The following FMO1 variants were observed in gnomAD, a reference collection of about 807,000 sequenced individuals.
FMO1 encodes the protein flavin containing dimethylaniline monoxygenase 1.
A neutral mutation model predicts 45.4 loss-of-function variants in FMO1; 36 were observed. The observed-to-expected ratio is 0.79, with a 90% CI of 0.61 to 1.05. The LOEUF (loss-of-function observed/expected upper bound fraction) is 1.05, where lower values mean the gene tolerates loss of function less well. Ranked by LOEUF, FMO1 falls within the 50% of genes least tolerant of loss-of-function variation. The pLI is 0.00. For synonymous variants in FMO1, 228 were observed against 227.2 expected (o/e 1.00, Z -0.03); for missense variants, 615 against 640.3 (o/e 0.96, Z 0.43).
At chr1:171,266,234 C>T (rs1660613986) in intron 2 of FMO1, among the ~76,000 whole-genome samples, 1 of 152,116 alleles carries the variant, frequency 6.6e-6, no homozygotes. Flanking sequence ...ATATCCTGTT[C>T]AACAAAATGG....
At chr1:171,270,921 T>G in intron 3 of FMO1, 1 of 773,386 alleles carries the variant, frequency 1.3e-6, no homozygotes, top group East Asian at 2.7e-5. Flanking sequence ...AAATGCTTTA[T>G]AGACGAGAAA....
chr1:171,276,252 C>G (rs2101832849), intron 4 of FMO1, among the ~76,000 whole-genome samples: 1 of 152,292 alleles, frequency 6.6e-6, no homozygotes, highest in Admixed American at 6.5e-5. Context: ...AATTTAGGAG[C>G]ATGCTATGGT....
chr1:171,250,000 G>T (rs909605498), intron 1 of FMO1, among the ~76,000 whole-genome samples: 4 of 152,152 alleles, frequency 2.6e-5, no homozygotes, highest in Non-Finnish European at 4.4e-5. Flanking sequence ...GGAGCCCTTG[G>T]TGTGCAATTT....
chr1:171,269,710 A>G (rs1489304408), intron 3 of FMO1, among the ~76,000 whole-genome samples: 3 of 152,108 alleles, frequency 2.0e-5, no homozygotes, highest in Non-Finnish European at 4.4e-5. Context: ...GATAATCATG[A>G]CTAATGAGTG....
At chr1:171,256,537 T>C (rs918912898) in intron 1 of FMO1, among the ~76,000 whole-genome samples, 2 of 152,128 alleles carry the variant, frequency 1.3e-5, no homozygotes, top group African/African-American at 4.8e-5. Context: ...GCCTAAAACA[T>C]GAATTCCCCT....
intron 1 of FMO1, among the ~76,000 whole-genome samples, chr1:171,255,070 C>T (rs895551482): frequency 1.3e-5 from 2 of 152,196 alleles, no homozygotes. Context: ...GATGCCTGAG[C>T]TCATCAGAGA....
At chr1:171,277,439 T>C (rs1015636674) in intron 4 of FMO1, among the ~76,000 whole-genome samples, 3 of 152,152 alleles carry the variant, frequency 2.0e-5, no homozygotes, top group Non-Finnish European at 2.9e-5. Context: ...TTTTATATTA[T>C]AAATTTTTTT....
chr1:171,275,138 A>C (rs1661053438), intron 3 of FMO1, among the ~76,000 whole-genome samples: 1 of 152,204 alleles, frequency 6.6e-6, no homozygotes, highest in African/African-American at 2.4e-5. Flanking sequence ...GGATGCCACC[A>C]CTTGTCTTAG....
chr1:171,279,018 T>C (rs1165752020), intron 5 of FMO1, 147 bp downstream of exon 5: 6 of 649,512 alleles, frequency 9.2e-6, no homozygotes, highest in Non-Finnish European at 1.4e-5. Context: ...TTTTACTGAA[T>C]GTTCACAAAT....
chr1:171,258,263 C>T, intron 2 of FMO1, 44 bp downstream of exon 2: 2 of 1,598,098 alleles, frequency 1.3e-6, no homozygotes, highest in East Asian at 2.2e-5. Context: ...TGGAGAATGG[C>T]TTGGCAGCTG....
At chr1:171,282,871 C>T in intron 7 of FMO1, 1 of 360,356 alleles carries the variant, frequency 2.8e-6, no homozygotes, top group Non-Finnish European at 5.0e-6. Flanking sequence ...TAAACTCAAG[C>T]AAATGAGTGA....
chr1:171,266,612 TATATG>T (rs1367604551), intron 2 of FMO1, among the ~76,000 whole-genome samples: 2 of 152,232 alleles, frequency 1.3e-5, no homozygotes, highest in African/African-American at 2.4e-5. Context: ...CAGGAATCTA[TATATG>T]ATATCAATTC....
chr1:171,259,345 T>C (rs1014826119), intron 2 of FMO1, among the ~76,000 whole-genome samples: 1 of 152,210 alleles, frequency 6.6e-6, no homozygotes, highest in Admixed American at 6.5e-5. Flanking sequence ...AATGTGATCA[T>C]CAATGCATGG....
At chr1:171,252,778 G>A (rs4073692) in intron 1 of FMO1, among the ~76,000 whole-genome samples, 38,020 of 152,116 alleles carry the variant, frequency 0.25, 5,915 homozygotes, top group African/African-American at 0.44. Context: ...CTCATTTTCC[G>A]TTCCTCTCAC....
intron 2 of FMO1, among the ~76,000 whole-genome samples, chr1:171,260,698 A>C (rs2101803602): frequency 6.6e-6 from 1 of 152,156 alleles, no homozygotes; most frequent in Admixed American, 6.5e-5. Flanking sequence ...TGGAAGGCCG[A>C]GGTGGACAGA....
At position 171,285,943 on chromosome 1, in the gene FMO1, T is replaced by C. The variant is rs1661611402; in HGVS notation, c.*399T>C. On this transcript the variant is annotated 3_prime_UTR_variant, in exon 9 of 9. Transcript: ENST00000617670. ...TCTTATAGTACTGGCTTATTAAAAG[T>C]AAAAAATAAACCTAAAAATTGATTG... The C allele has an allele frequency of 6.4e-6, 1 of 155,844 alleles. No individual in the cohort carries two copies. Among genetic ancestry groups the C allele is most frequent in the South Asian group, 2.1e-4 (1 of 4,866 alleles). 9.7% of individuals were successfully genotyped at this position (155,844 alleles called of 1,614,324 possible).
chr1:171,274,991 T>C (rs1040214194), intron 3 of FMO1, among the ~76,000 whole-genome samples: 1 of 152,236 alleles, frequency 6.6e-6, no homozygotes, highest in Non-Finnish European at 1.5e-5. Flanking sequence ...GTCAAAGAAA[T>C]TTTTGTTAAA....
At chr1:171,256,073 A>G (rs1228952787) in intron 1 of FMO1, among the ~76,000 whole-genome samples, 1 of 152,098 alleles carries the variant, frequency 6.6e-6, no homozygotes, top group African/African-American at 2.4e-5. Context: ...GGAGATCAAG[A>G]CCATCCTGGC....
intron 1 of FMO1, among the ~76,000 whole-genome samples, chr1:171,253,706 A>T (rs1660009360): frequency 6.6e-6 from 1 of 152,096 alleles, no homozygotes; most frequent in African/African-American, 2.4e-5. Flanking sequence ...GGTTGCAGTG[A>T]GCCGAGATCA....
Sources: gnomAD v4.1 joint callset for allele counts (sites outside exome capture counted in the v4.1 genomes callset) on GRCh38, gnomAD v4.1.1 for gene constraint, MANE v1.5 for transcripts, NCBI Gene and HGNC (gene_info 2026-07-23, HGNC 2026-07-21) for gene names.